Variants in CHST15 observed in about 807,000 individuals in gnomAD.
CHST15 encodes carbohydrate sulfotransferase 15, also known as B cell RAG associated protein (GALNAC4S-6ST).
Under a neutral mutation model 53.6 loss-of-function variants are expected in CHST15, and 30 were observed. That is an observed-to-expected ratio of 0.56 (90% CI 0.42 to 0.76). The LOEUF is 0.76. Among genes scored for constraint, CHST15 ranks in the 30% least tolerant of loss-of-function variants. CHST15 has a pLI of 0.00. For synonymous variants in CHST15, 296 were observed against 289.8 expected (o/e 1.02, Z -0.22); for missense variants, 627 against 740.5 (o/e 0.85, Z 1.78).
intron 7 of CHST15, chr10:124,010,866 G>A (rs1946392702): frequency 1.0e-6 from 1 of 985,454 alleles, no homozygotes; most frequent in Non-Finnish European, 1.2e-6. Flanking sequence ...CTGGGAGGAG[G>A]CCACTTGTGC....
rs144575230 is a variant in CHST15, at chr10:124,078,059, C to T, written c.-513+15410G>A. Among the ~76,000 whole-genome samples, 258 of 152,298 alleles carry T rather than the reference C, an allele frequency of 1.7e-3. 8 individuals carry two copies. The East Asian group carries it at 0.036, about 21-fold the overall frequency. On this transcript the variant is annotated intron_variant, in intron 1 of 7. Transcript: ENST00000435907. ...TGTTGCTTGGGTGTTTCTAGCTCTA[C>T]GGGTAGAATTGTTTTCACCAATAAA...
intron 1 of CHST15, among the ~76,000 whole-genome samples, chr10:124,057,913 T>C (rs1420658695): frequency 6.6e-6 from 1 of 151,678 alleles, no homozygotes; most frequent in African/African-American, 2.4e-5. Context: ...ATAATCAGGT[T>C]TTCTCAGCGA....
intron 1 of CHST15, among the ~76,000 whole-genome samples, chr10:124,058,054 G>T (rs1564894965): frequency 6.6e-6 from 1 of 152,198 alleles, no homozygotes; most frequent in Non-Finnish European, 1.5e-5. Flanking sequence ...ACCAAGTGGA[G>T]AGAAAAACTA....
At chr10:124,060,354 A>C (rs1025808205) in intron 1 of CHST15, among the ~76,000 whole-genome samples, 2 of 145,954 alleles carry the variant, frequency 1.4e-5, no homozygotes, top group Non-Finnish European at 3.0e-5. Flanking sequence ...GGAATGTGCA[A>C]AGGTGTGTCC....
At chr10:124,049,018 C>T (rs747682113) in intron 1 of CHST15, among the ~76,000 whole-genome samples, 10 of 152,188 alleles carry the variant, frequency 6.6e-5, no homozygotes, top group South Asian at 2.1e-4. Flanking sequence ...CTGCGAGTCC[C>T]GCTTCCTAAA....
At chr10:124,093,145 C>T (rs910147550) in intron 1 of CHST15, among the ~76,000 whole-genome samples, 3 of 152,212 alleles carry the variant, frequency 2.0e-5, no homozygotes, top group African/African-American at 4.8e-5. Flanking sequence ...AGGGACTCCT[C>T]CCGCTGGGGA....
intron 6 of CHST15, among the ~76,000 whole-genome samples, chr10:124,015,801 G>T (rs566106267): frequency 6.6e-6 from 1 of 152,212 alleles, no homozygotes; most frequent in Non-Finnish European, 1.5e-5. Flanking sequence ...AGACTTCCGC[G>T]ATCACCTTGT....
At chr10:124,044,559 G>A in intron 3 of CHST15, 21 bp downstream of exon 3, 4 of 1,473,334 alleles carry the variant, frequency 2.7e-6, no homozygotes, top group Non-Finnish European at 3.6e-6. Flanking sequence ...CCAGACAGGA[G>A]CCCTGGGACC....
chr10:124,011,922 C>T (rs1780632610), intron 7 of CHST15: 1 of 896,200 alleles, frequency 1.1e-6, no homozygotes, highest in Non-Finnish European at 1.3e-6. Context: ...CAAAGCTCAG[C>T]TCTCAGGCCC....
At chr10:124,070,879 C>T (rs1446042821) in intron 1 of CHST15, among the ~76,000 whole-genome samples, 2 of 152,192 alleles carry the variant, frequency 1.3e-5, no homozygotes, top group Admixed American at 6.5e-5. Context: ...ACCAGGCTCA[C>T]CTGCGAGTCC....
At position 124,019,709 on chromosome 10, in the gene CHST15, G is replaced by T; in HGVS notation, c.1347+1547C>A. 1.2e-6 allele frequency: 1 copy of T among 863,280 alleles called. No homozygotes were observed. Among genetic ancestry groups the T allele is most frequent in the Non-Finnish European group, 1.4e-6 (1 of 718,010 alleles). 53.5% of individuals were successfully genotyped at this position (863,280 alleles called of 1,614,324 possible). A position where few individuals can be genotyped will look rare whatever the true frequency, so the allele number is the denominator to read the frequency against. ...GCCTCAGCCATGAACACAGTAGTGA[G>T]ATATTCCTTTTCCACTCCTACACTA... is the stretch of plus-strand genomic sequence containing the variant. On this transcript the variant is annotated intron_variant, in intron 6 of 7. Coordinates refer to ENST00000435907, the MANE Select transcript of CHST15 (RefSeq NM_001270764.2). The surrounding 1 kb of genome is among the most constrained non-coding windows in gnomAD (Gnocchi z 4.6).
At chr10:124,020,018 G>C (rs748936682) in intron 6 of CHST15, 80 of 985,604 alleles carry the variant, frequency 8.1e-5, no homozygotes, top group Non-Finnish European at 9.4e-5. Context: ...CCCGTTCTCA[G>C]GTGGTTCTCT....
rs1246407054 is a variant in CHST15 at position 124,037,766 on chromosome 10, C to T, written c.1190+749G>A. On this transcript the variant is annotated intron_variant, in intron 5 of 7. Transcript: ENST00000435907. ...GCTGCTCTGCTCAGCATTGTTCTTC[C>T]TTTTGGTCTCTCAAGGAAAGCTGGA... Among the ~76,000 whole-genome samples the T allele has an allele frequency of 2.0e-5, 3 of 152,216 alleles. No homozygotes were observed. In the East Asian group the frequency reaches 5.8e-4, roughly 29 times the overall value.
At chr10:124,093,135 AG>A (rs1205554170) in intron 1 of CHST15, among the ~76,000 whole-genome samples, 1 of 152,170 alleles carries the variant, frequency 6.6e-6, no homozygotes, top group Non-Finnish European at 1.5e-5. Flanking sequence ...CCAATGGCGA[AG>A]GGACTCCTCC....
In CHST15 at chr10:124,012,375, C is replaced by A; in HGVS notation, c.1453G>T (p.Val485Phe). Residue 485 changes from valine (V) to phenylalanine (F), a missense_variant, in exon 7 of 8, where the codon GTC becomes TTC. This residue lies in a region of CHST15 where 279 missense variants were observed against 371.6 expected (regional missense o/e 0.75). Coordinates refer to ENST00000435907, the MANE Select transcript of CHST15 (RefSeq NM_001270764.2). Reference protein sequence around the residue: ...ILRLEDHASNVKYTMHKVFQF... With the variant: ...ILRLEDHASNFKYTMHKVFQF... ...AAGACCTTGTGCATGGTGTACTTGA[C>A]GTTGGATGCATGATCTTCCAGGCGA... is the stretch of plus-strand genomic sequence containing the variant. The A allele has an allele frequency of 6.2e-7, 1 of 1,614,068 alleles. No individual in the cohort carries two copies. The highest frequency in any genetic ancestry group is 1.1e-5 in the South Asian group (1 of 91,076).
At chr10:124,062,011 T>TAA (rs57594474) in intron 1 of CHST15, among the ~76,000 whole-genome samples, 64 of 142,244 alleles carry the variant, frequency 4.5e-4, no homozygotes, top group African/African-American at 1.2e-3. Flanking sequence ...TATAAATCAT[T>TAA]AAAAAAAAAA....
At chr10:124,039,286 C>A (rs931491459) in intron 4 of CHST15, among the ~76,000 whole-genome samples, 1 of 152,192 alleles carries the variant, frequency 6.6e-6, no homozygotes, top group African/African-American at 2.4e-5. Flanking sequence ...TGGGGCAGAG[C>A]TGAGCCACAT....
intron 5 of CHST15, among the ~76,000 whole-genome samples, chr10:124,026,422 T>C (rs1273839760): frequency 6.6e-6 from 1 of 152,148 alleles, no homozygotes; most frequent in Non-Finnish European, 1.5e-5. Flanking sequence ...ACTCAGAAAA[T>C]GCTGAGAACA....
At chr10:124,015,278 C>T (rs575291458) in intron 6 of CHST15, among the ~76,000 whole-genome samples, 3 of 152,000 alleles carry the variant, frequency 2.0e-5, no homozygotes, top group Non-Finnish European at 4.4e-5. Flanking sequence ...AAATAAAAAG[C>T]GTATTTAGGG....
Sources: allele counts gnomAD v4.1 joint callset (sites outside exome capture counted in the v4.1 genomes callset), GRCh38; gene constraint gnomAD v4.1.1; regional missense constraint gnomAD v4.1.1; non-coding constraint Gnocchi (gnomAD v3.1); transcripts MANE v1.5; gene names NCBI Gene and HGNC (gene_info 2026-07-23, HGNC 2026-07-21).